Variants in DPYSL4 observed in about 807,000 individuals in gnomAD.
DPYSL4 encodes dihydropyrimidinase-related protein 4.
A neutral mutation model predicts 63.4 loss-of-function variants in DPYSL4; 43 were observed. The ratio of observed to expected loss-of-function variants is 0.68; its 90% CI spans 0.53 to 0.88. The LOEUF (loss-of-function observed/expected upper bound fraction) is 0.88, where lower values mean the gene tolerates loss of function less well. Among genes scored for constraint, DPYSL4 ranks in the 40% least tolerant of loss-of-function variants. The pLI is 0.00. For missense variants in DPYSL4, 733 were observed against 819.5 expected (o/e 0.89, Z 1.29); for synonymous variants, 353 against 331.7 (o/e 1.06, Z -0.70).
At chr10:132,187,168 GC>G in intron 1 of DPYSL4, 66 bp downstream of exon 1, 2 of 1,279,946 alleles carry the variant, frequency 1.6e-6, no homozygotes, top group South Asian at 1.3e-5. Context: ...TGGACGCCGG[GC>G]GGACCCTCCT....
intron 1 of DPYSL4, among the ~76,000 whole-genome samples, chr10:132,187,589 C>T (rs1049172167): frequency 1.4e-4 from 21 of 152,218 alleles, no homozygotes; most frequent in African/African-American, 4.8e-4. Context: ...TCGCCCGCCC[C>T]TTGGACGCAC....
intron 7 of DPYSL4, 134 bp from the exon 8 acceptor site, chr10:132,198,717 C>G: frequency 2.2e-6 from 3 of 1,382,904 alleles, no homozygotes. Context: ...GCACTGAGCC[C>G]GAGGCTGGGC....
chr10:132,200,607 C>T (rs1370323600), intron 9 of DPYSL4, 95 bp downstream of exon 9: 3 of 1,511,642 alleles, frequency 2.0e-6, no homozygotes, highest in Admixed American at 1.9e-5. Flanking sequence ...CCACGGCTCC[C>T]ATAGGGCAGC....
chr10:132,200,415 T>G lies in DPYSL4; in HGVS notation c.871T>G (p.Trp291Gly). 6.2e-7 allele frequency: 1 copy of G among 1,613,580 alleles called. No homozygotes were observed. Among genetic ancestry groups the G allele is most frequent in the Non-Finnish European group, 8.5e-7 (1 of 1,179,932 alleles). Residue 291 changes from tryptophan to glycine, a missense_variant, in exon 9 of 14, where the codon TGG becomes GGG. Physicochemically the swap from Trp to Gly is radical, Grantham distance 184. Transcript: ENST00000338492. ...CCTGGGCACCGACGGTTCACACTAC[T>G]GGAGCAAGAACTGGGCCAAGGCCGC... Reference protein sequence around the residue: ...ASLGTDGSHYWSKNWAKAAAF... With the variant: ...ASLGTDGSHYGSKNWAKAAAF...
intron 3 of DPYSL4, 80 bp from the exon 4 acceptor site, chr10:132,194,765 A>T: frequency 6.5e-7 from 1 of 1,548,400 alleles, no homozygotes; most frequent in South Asian, 1.2e-5. Flanking sequence ...TGGGAACATG[A>T]AACAGAATCT....
At position 132,194,996 on chromosome 10, in the gene DPYSL4, G is replaced by C. The variant is rs145248612; in HGVS notation, c.465G>C (p.Leu155=). The change falls in exon 4 of 14, where the codon CTG becomes CTC. Residue 155 remains leucine, a synonymous_variant. Transcript: ENST00000338492. The part of the protein sequence containing the change: ...HESIKEELEA[L]VKEKGVNSFL... ...GCATCAAGGAGGAGCTGGAGGCCCT[G>C]GTCAAGGAGAAGGGTGAGGGTGGCT... 1.6e-5 allele frequency: 26 copies of C among 1,604,844 alleles called. 1 individual carries two copies. The African/African-American group carries it at 3.2e-4, about 20-fold the overall frequency.
rs925289738 is a variant in DPYSL4, at chr10:132,205,003, C to G, written c.*73C>G. 6.5e-6 allele frequency: 8 copies of G among 1,234,162 alleles called. No homozygotes were observed. Among genetic ancestry groups the G allele is most frequent in the African/African-American group, 1.5e-5 (1 of 65,608 alleles). 76.5% of individuals were successfully genotyped at this position (1,234,162 alleles called of 1,614,324 possible). A position where few individuals can be genotyped will look rare whatever the true frequency, so the allele number is the denominator to read the frequency against. ...CGGGGGCCCCAGGGCACTCGCCCCC[C>G]TCCTTAGCATTTTCTTTTGTAGAAG... On this transcript the variant is annotated 3_prime_UTR_variant, in exon 14 of 14. Coordinates refer to ENST00000338492, the MANE Select transcript of DPYSL4 (RefSeq NM_006426.3).
intron 3 of DPYSL4, 83 bp downstream of exon 3, chr10:132,192,925 A>T (rs1590091854): frequency 1.4e-6 from 2 of 1,406,822 alleles, no homozygotes; most frequent in Admixed American, 2.4e-5. Flanking sequence ...TGGGAGGAGG[A>T]GTGTCGCCTA....
At chr10:132,197,135 C>G (rs540651688) in intron 6 of DPYSL4, 34 bp downstream of exon 6, 2 of 1,458,028 alleles carry the variant, frequency 1.4e-6, no homozygotes, top group South Asian at 2.8e-5. Flanking sequence ...GGGGCAGGCA[C>G]AGGGGCTGCC....
Position 132,202,691 on chromosome 10 carries a change from C to T in DPYSL4, c.1327C>T (p.Pro443Ser). 2.5e-6 allele frequency: 4 copies of T among 1,613,282 alleles called. No individual in the cohort carries two copies. Among genetic ancestry groups the T allele is most frequent in the Non-Finnish European group, 3.4e-6 (4 of 1,179,966 alleles). ...CGAGGGAGTGGAGTGCCGGGGAGCG[C>T]CTGCCGTGGTCATAAGTCAGGGCCG... ...IFEGVECRGAPAVVISQGRVA... is the reference protein window; with the variant it reads ...IFEGVECRGASAVVISQGRVA... Residue 443 changes from proline (P) to serine (S), a missense_variant, in exon 12 of 14, where the codon CCT becomes TCT. Coordinates refer to ENST00000338492, the MANE Select transcript of DPYSL4 (RefSeq NM_006426.3).
rs1165107058 is a variant in DPYSL4, at chr10:132,203,947, C to T, written c.1627+20C>T. 9 of 1,583,078 alleles carry T rather than the reference C, an allele frequency of 5.7e-6. No homozygotes were observed. The highest frequency in any genetic ancestry group is 7.8e-6 in the Non-Finnish European group (9 of 1,158,064). On this transcript the variant is annotated intron_variant, in intron 13 of 13. Coordinates refer to ENST00000338492, the MANE Select transcript of DPYSL4 (RefSeq NM_006426.3). ...TATCTGGTGAGTTGGGCCTGGGGCACCAGTGGGGGTGAGGGGCTCTGCCGG... is the reference window on the plus strand; with the variant it reads ...TATCTGGTGAGTTGGGCCTGGGGCATCAGTGGGGGTGAGGGGCTCTGCCGG...
chr10:132,187,354 C>T (rs180923621), intron 1 of DPYSL4, among the ~76,000 whole-genome samples: 11 of 129,354 alleles, frequency 8.5e-5, no homozygotes, highest in South Asian at 2.7e-4. Context: ...CTGCCCGGCC[C>T]TGCCGGGCCC....
intron 11 of DPYSL4, among the ~76,000 whole-genome samples, 167 bp downstream of exon 11, chr10:132,202,283 CCT>C (rs1286727737): frequency 6.6e-6 from 1 of 152,236 alleles, no homozygotes; most frequent in Non-Finnish European, 1.5e-5. Context: ...TGAAATGGGC[CCT>C]GTCCACGTCA....
rs954400134 is a variant in DPYSL4, at chr10:132,205,707, A to G, written c.*777A>G. ...CATGCCACCCACCGCCTGGACAGGC[A>G]GTCATCCTGCCTCTGATGTGAATCA... is the stretch of plus-strand genomic sequence containing the variant. On this transcript the variant is annotated 3_prime_UTR_variant, in exon 14 of 14. Coordinates refer to ENST00000338492, the MANE Select transcript of DPYSL4 (RefSeq NM_006426.3). 1 of 152,280 alleles carries G rather than the reference A, an allele frequency of 6.6e-6. No individual in the cohort carries two copies. Among genetic ancestry groups the G allele is most frequent in the African/African-American group, 2.4e-5 (1 of 41,462 alleles). The allele number at this position is 152,280 out of a possible 1,614,324, so 9.4% of individuals were successfully genotyped here. A position where few individuals can be genotyped will look rare whatever the true frequency, so the allele number is the denominator to read the frequency against.
At chr10:132,199,346 T>C (rs530376208) in intron 8 of DPYSL4, among the ~76,000 whole-genome samples, 1 of 152,228 alleles carries the variant, frequency 6.6e-6, no homozygotes, top group South Asian at 2.1e-4. Context: ...GCCGGGGTGC[T>C]ACCTGCCCAC....
intron 11 of DPYSL4, among the ~76,000 whole-genome samples, 170 bp downstream of exon 11, chr10:132,202,286 G>A (rs544187681): frequency 6.6e-6 from 1 of 152,376 alleles, no homozygotes; most frequent in East Asian, 1.9e-4. Flanking sequence ...AATGGGCCCT[G>A]TCCACGTCAC....
chr10:132,203,236 G>C (rs755903112), intron 12 of DPYSL4, among the ~76,000 whole-genome samples: 1 of 152,110 alleles, frequency 6.6e-6, no homozygotes, highest in African/African-American at 2.4e-5. Flanking sequence ...GGACTGGGGC[G>C]TGTGCTCCTC....
At chr10:132,198,312 T>C in intron 6 of DPYSL4, 103 bp from the exon 7 acceptor site, 2 of 1,153,126 alleles carry the variant, frequency 1.7e-6, no homozygotes, top group Non-Finnish European at 2.5e-6. Context: ...GGCCTGGGGG[T>C]CCAGGACCAC....
In DPYSL4 at chr10:132,204,987, C is replaced by T. The variant is rs2062077209; in HGVS notation, c.*57C>T. 6 of 1,416,286 alleles carry T rather than the reference C, an allele frequency of 4.2e-6. No individual in the cohort carries two copies. Among genetic ancestry groups the T allele is most frequent in the South Asian group, 2.6e-5 (2 of 76,008 alleles). The allele number at this position is 1,416,286 out of a possible 1,614,324, so 87.7% of individuals were successfully genotyped here. On this transcript the variant is annotated 3_prime_UTR_variant, in exon 14 of 14. Coordinates refer to ENST00000338492, the MANE Select transcript of DPYSL4 (RefSeq NM_006426.3). ...GCCCCACCCGAGGCCGCGGGGGCCC[C>T]AGGGCACTCGCCCCCCTCCTTAGCA...
Sources: gnomAD v4.1 joint callset for allele counts (sites outside exome capture counted in the v4.1 genomes callset) on GRCh38, gnomAD v4.1.1 for gene constraint, MANE v1.5 for transcripts, NCBI Gene and HGNC (gene_info 2026-07-23, HGNC 2026-07-21) for gene names.